PTPRT: variants seen among roughly 807,000 people sequenced by gnomAD.
The protein encoded by PTPRT is receptor-type tyrosine-protein phosphatase T.
Under a neutral mutation model 176.8 loss-of-function variants are expected in PTPRT, and 56 were observed. The ratio of observed to expected loss-of-function variants is 0.32; its 90% CI spans 0.26 to 0.40. The LOEUF is 0.40. PTPRT is among the 10% of genes least tolerant of loss of function. PTPRT has a pLI of 1.00. For missense variants in PTPRT, 1,540 were observed against 1,908.2 expected (o/e 0.81, Z 3.60); for synonymous variants, 783 against 739.0 (o/e 1.06, Z -0.96).
intron 9 of PTPRT, among the ~76,000 whole-genome samples, chr20:42,447,347 C>T (rs940416532): frequency 2.0e-5 from 3 of 152,026 alleles, no homozygotes; most frequent in Admixed American, 6.6e-5. Flanking sequence ...GAGGAGGAAT[C>T]TACCAAAGGT....
In PTPRT at chr20:42,497,448, T is replaced by A. The variant is rs368538130; in HGVS notation, c.1154-24886A>T. Among the ~76,000 whole-genome samples the A allele has an allele frequency of 3.1e-3, 468 of 151,970 alleles. 21 individuals carry two copies. The South Asian group carries it at 0.092, about 30-fold the overall frequency. On this transcript the variant is annotated intron_variant, in intron 7 of 30. Transcript: ENST00000373187. ...AAAGCTGCTTCTCCTGTTATCTTGA[T>A]TTTTTTTGGTTTGTTTGTTTGAGAC...
rs187106481 is a variant in PTPRT at position 42,187,920 on chromosome 20, T to C, written c.2491+11320A>G. On this transcript the variant is annotated intron_variant, in intron 16 of 30. Coordinates refer to ENST00000373187, the MANE Select transcript of PTPRT (RefSeq NM_007050.6). ...GTTCTTCCATTAACTTGCTGAGTGA[T>C]CCTAGGCAATGAGTTTCACCTCTGT... Among the ~76,000 whole-genome samples, 293 of 152,350 alleles carry C rather than the reference T, an allele frequency of 1.9e-3. 3 individuals carry two copies. Among genetic ancestry groups the C allele is most frequent in the African/African-American group, 6.6e-3 (273 of 41,582 alleles).
chr20:43,059,334 T>C (rs1417091399), intron 1 of PTPRT, among the ~76,000 whole-genome samples: 1 of 152,240 alleles, frequency 6.6e-6, no homozygotes, highest in Non-Finnish European at 1.5e-5. Flanking sequence ...CTTCCTTGCA[T>C]TTTACTCTGA....
chr20:42,875,626 T>C lies in PTPRT; in HGVS notation c.214+10181A>G, dbSNP rs1361248033. On this transcript the variant is annotated intron_variant, in intron 2 of 30. Transcript: ENST00000373187. ...TGTTAGTTGAATAAACCATGGTTCA[T>C]TCACCCAGGAGAATATCATGTAGCC... is the stretch of plus-strand genomic sequence containing the variant. Among the ~76,000 whole-genome samples the C allele has an allele frequency of 4.8e-4, 73 of 152,216 alleles. 1 individual carries two copies.
chr20:42,810,128 A>G (rs2077677724), intron 2 of PTPRT, among the ~76,000 whole-genome samples: 1 of 152,094 alleles, frequency 6.6e-6, no homozygotes, highest in Admixed American at 6.5e-5. Context: ...CCCCATCGCT[A>G]CTAAAATACA....
At chr20:42,037,040 C>T in the PTPRT span, among the ~76,000 whole-genome samples, 1 of 152,200 alleles carries the variant, frequency 6.6e-6, no homozygotes, top group African/African-American at 2.4e-5. Flanking sequence ...AGGTCCTCAT[C>T]ATGGCCAGAA....
At chr20:42,085,952 CTT>C (rs200706584) in intron 27 of PTPRT, 99 bp from the exon 28 acceptor site, 736 of 1,086,332 alleles carry the variant, frequency 6.8e-4, no homozygotes, top group South Asian at 1.1e-3. Flanking sequence ...TTTTCTTTTT[CTT>C]TTTTTTTTTT....
At chr20:42,820,281 A>G (rs2077868324) in intron 2 of PTPRT, among the ~76,000 whole-genome samples, 1 of 152,210 alleles carries the variant, frequency 6.6e-6, no homozygotes, top group Non-Finnish European at 1.5e-5. Context: ...AAACCACACA[A>G]TTACATGGAA....
At chr20:42,784,509 T>C (rs925165049) in intron 3 of PTPRT, among the ~76,000 whole-genome samples, 3 of 152,166 alleles carry the variant, frequency 2.0e-5, no homozygotes, top group Non-Finnish European at 2.9e-5. Flanking sequence ...GAGGATTTGA[T>C]GCTTAGTGGA....
At chr20:42,326,873 C>T (rs763528986) in intron 11 of PTPRT, among the ~76,000 whole-genome samples, 1 of 151,440 alleles carries the variant, frequency 6.6e-6, no homozygotes, top group Non-Finnish European at 1.5e-5. Flanking sequence ...TATTTGTGAG[C>T]CCTAAAGATG....
At chr20:42,702,966 C>T (rs60694236) in intron 6 of PTPRT, among the ~76,000 whole-genome samples, 1 of 152,184 alleles carries the variant, frequency 6.6e-6, no homozygotes, top group Non-Finnish European at 1.5e-5. Flanking sequence ...ATAGCCAGCC[C>T]ATATGGTTTG....
At chr20:42,868,687 T>A (rs1024680592) in intron 2 of PTPRT, among the ~76,000 whole-genome samples, 16 of 152,174 alleles carry the variant, frequency 1.1e-4, no homozygotes, top group African/African-American at 3.6e-4. Flanking sequence ...ATAGGGTTAT[T>A]AGTATGGGTG....
At chr20:42,214,240 C>T (rs886284163) in intron 15 of PTPRT, among the ~76,000 whole-genome samples, 2 of 152,154 alleles carry the variant, frequency 1.3e-5, no homozygotes, top group Non-Finnish European at 2.9e-5. Context: ...TCACATATCT[C>T]CCCTTGTCCT....
At chr20:42,802,292 A>G (rs2077542240) in intron 2 of PTPRT, among the ~76,000 whole-genome samples, 1 of 152,144 alleles carries the variant, frequency 6.6e-6, no homozygotes, top group African/African-American at 2.4e-5. Flanking sequence ...GAATCAACAA[A>G]TGGTGCTACC....
chr20:42,947,862 C>T (rs1002328403), intron 1 of PTPRT, among the ~76,000 whole-genome samples: 1 of 152,162 alleles, frequency 6.6e-6, no homozygotes, highest in Admixed American at 6.5e-5. Context: ...ATGACCACTC[C>T]TTCATCCTTA....
intron 22 of PTPRT, among the ~76,000 whole-genome samples, chr20:42,112,001 A>C (rs1166356993): frequency 6.6e-6 from 1 of 152,148 alleles, no homozygotes; most frequent in African/African-American, 2.4e-5. Context: ...GGGAGACCAC[A>C]GGCCTGGGGG....
intron 1 of PTPRT, among the ~76,000 whole-genome samples, chr20:42,911,093 G>T (rs1366794823): frequency 6.6e-6 from 1 of 152,044 alleles, no homozygotes; most frequent in Non-Finnish European, 1.5e-5. Context: ...TTGACACATG[G>T]GGATTATGGG....
chr20:42,078,677 A>G lies in PTPRT; in HGVS notation c.*2202T>C, dbSNP rs1983015358. 1 of 179,310 alleles carries G rather than the reference A, an allele frequency of 5.6e-6. No individual in the cohort carries two copies. The highest frequency in any genetic ancestry group is 1.2e-5 in the Non-Finnish European group (1 of 83,592). 11.1% of individuals were successfully genotyped at this position (179,310 alleles called of 1,614,324 possible). A position where few individuals can be genotyped will look rare whatever the true frequency, so the allele number is the denominator to read the frequency against. On this transcript the variant is annotated 3_prime_UTR_variant, in exon 31 of 31. Coordinates refer to ENST00000373187, the MANE Select transcript of PTPRT (RefSeq NM_007050.6). The stretch of plus-strand genomic sequence containing the variant: ...GCATCTGTCTCCTGGACCCTGGCTC[A>G]TCTCTTGCTGCTCCCCGTGTTGTGC...
intron 7 of PTPRT, among the ~76,000 whole-genome samples, chr20:42,594,321 G>GA (rs1163964905): frequency 4.0e-5 from 6 of 151,598 alleles, no homozygotes; most frequent in Admixed American, 3.3e-4. Flanking sequence ...CTCAAGACAT[G>GA]AAAAAAAACC....
Sources: gnomAD v4.1 joint callset for allele counts (sites outside exome capture counted in the v4.1 genomes callset) on GRCh38, gnomAD v4.1.1 for gene constraint, MANE v1.5 for transcripts, NCBI Gene and HGNC (gene_info 2026-07-23, HGNC 2026-07-21) for gene names.